MEX3A: variants seen among roughly 807,000 people sequenced by gnomAD.
MEX3A encodes the protein RNA-binding protein MEX3A.
MEX3A carries 4 observed loss-of-function variants against 30.0 expected under a neutral mutation model. The ratio of observed to expected loss-of-function variants is 0.13; its 90% CI spans 0.07 to 0.30. MEX3A has a LOEUF of 0.30. MEX3A is among the 10% of genes least tolerant of loss of function. The pLI is 1.00. For synonymous variants in MEX3A, 335 were observed against 327.6 expected (o/e 1.02, Z -0.24); for missense variants, 555 against 736.7 (o/e 0.75, Z 2.86).
chr1:156,076,902 G>A lies in MEX3A; in HGVS notation c.1235C>T (p.Ser412Phe). Reference sequence around the variant, plus strand: ...AGCGCGGGCCTTGGCGGAAGAGGAGGAGGAGGAGGAGGCAGAGGAGAAGAG... The same window carrying A: ...AGCGCGGGCCTTGGCGGAAGAGGAGAAGGAGGAGGAGGCAGAGGAGAAGAG... ...SVLFSSASSSSSSSAKARAGP... is the reference protein window; with the variant it reads ...SVLFSSASSSFSSSAKARAGP... The change falls in exon 2 of 2, where the codon TCC becomes TTC. Residue 412 changes from serine to phenylalanine, a missense_variant. This residue lies in a region of MEX3A where 281 missense variants were observed against 265.1 expected (regional missense o/e 1.06). Coordinates refer to ENST00000532414, the MANE Select transcript of MEX3A (RefSeq NM_001093725.2). This position sits in a 1 kb window ranked among gnomAD's most constrained non-coding sequence, Gnocchi z 6.0. The A allele has an allele frequency of 1.3e-6, 2 of 1,565,940 alleles. No homozygotes were observed. Among genetic ancestry groups the A allele is most frequent in the Admixed American group, 3.8e-5 (2 of 52,676 alleles).
chr1:156,081,244 C>A (rs1433257125), intron 1 of MEX3A, among the ~76,000 whole-genome samples: 2 of 152,202 alleles, frequency 1.3e-5, no homozygotes, highest in Non-Finnish European at 2.9e-5. Context: ...GGAGTGGACA[C>A]CCCCTCAGGA....
Position 156,081,850 on chromosome 1 carries a change from A to C in MEX3A, c.149T>G (p.Leu50Trp). ...CGCCGTGGGGGCGGGGGGCTCCCCC[A>C]AACCCAGGAGGCAGAGTTGATCGAG... ...LALDQLCLLG[L>W]GEPPAPTAGE... The change falls in exon 1 of 2, where the codon TTG becomes TGG. Residue 50 changes from leucine (L) to tryptophan (W), a missense_variant. Transcript: ENST00000532414. 2 of 1,360,364 alleles carry C rather than the reference A, an allele frequency of 1.5e-6. No homozygotes were observed. The highest frequency in any genetic ancestry group is 1.9e-6 in the Non-Finnish European group (2 of 1,038,612). The allele number at this position is 1,360,364 out of a possible 1,614,324, so 84.3% of individuals were successfully genotyped here. A position where few individuals can be genotyped will look rare whatever the true frequency, so the allele number is the denominator to read the frequency against.
At position 156,077,781 on chromosome 1, in the gene MEX3A, C is replaced by G. The variant is rs1648115248; in HGVS notation, c.455-99G>C. 5.2e-5 allele frequency: 75 copies of G among 1,442,158 alleles called. No homozygotes were observed. The highest frequency in any genetic ancestry group is 6.6e-5 in the Non-Finnish European group (72 of 1,098,894). 89.3% of individuals were successfully genotyped at this position (1,442,158 alleles called of 1,614,324 possible). ...TGATCCTTACCCAAATACCTAGCCTCCCAGGAACACTTCAGTCTACCCTTT... is the reference window on the plus strand; with the variant it reads ...TGATCCTTACCCAAATACCTAGCCTGCCAGGAACACTTCAGTCTACCCTTT... On this transcript the variant is annotated intron_variant, in intron 1 of 1. Coordinates refer to ENST00000532414, the MANE Select transcript of MEX3A (RefSeq NM_001093725.2). This position sits in a 1 kb window ranked among gnomAD's most constrained non-coding sequence, Gnocchi z 8.3.
intron 1 of MEX3A, among the ~76,000 whole-genome samples, chr1:156,078,068 T>G (rs1203469684): frequency 2.6e-5 from 4 of 152,208 alleles, no homozygotes; most frequent in Admixed American, 6.5e-5. Context: ...ATTTCTCTAC[T>G]GATTCCTGGC....
At chr1:156,079,221 T>TG (rs149824041) in intron 1 of MEX3A, among the ~76,000 whole-genome samples, 2,788 of 138,190 alleles carry the variant, frequency 0.02, 49 homozygotes, top group Non-Finnish European at 0.029. Context: ...TTTTTTTGTT[T>TG]GTTTTTTTTT....
intron 1 of MEX3A, among the ~76,000 whole-genome samples, chr1:156,080,858 G>A (rs1409719699): frequency 6.6e-6 from 1 of 151,748 alleles, no homozygotes; most frequent in Non-Finnish European, 1.5e-5. Flanking sequence ...GGCCAGCCCA[G>A]AACAAAAGCC....
chr1:156,081,414 G>C, intron 1 of MEX3A, 131 bp downstream of exon 1: 2 of 754,276 alleles, frequency 2.7e-6, no homozygotes, highest in Non-Finnish European at 2.2e-6. Flanking sequence ...ATCAGGGTAG[G>C]GGGCGGGTCC....
At position 156,072,354 on chromosome 1, in the gene MEX3A, T is replaced by C. The variant is rs1647932634; in HGVS notation, c.*4220A>G. On this transcript the variant is annotated 3_prime_UTR_variant, in exon 2 of 2. Coordinates refer to ENST00000532414, the MANE Select transcript of MEX3A (RefSeq NM_001093725.2). ...GGGAAGCCCTCCCCACCCCAGACGC[T>C]ACCATCCCAAACTAGCGGGGTTTCT... 1 of 149,888 alleles carries C rather than the reference T, an allele frequency of 6.7e-6. No homozygotes were observed. Among genetic ancestry groups the C allele is most frequent in the African/African-American group, 2.4e-5 (1 of 40,878 alleles). The allele number at this position is 149,888 out of a possible 1,614,324, so 9.3% of individuals were successfully genotyped here. A position where few individuals can be genotyped will look rare whatever the true frequency, so the allele number is the denominator to read the frequency against.
Position 156,076,954 on chromosome 1 carries a change from G to C in MEX3A, c.1183C>G (p.Gln395Glu). ...ACGGAGGTGGGCGTGGCGTTCTCCT[G>C]GCCCGCCCACAGCGGGGGGCTAGTC... ...AETSPPLWAG[Q>E]ENATPTSVLF... Residue 395 changes from glutamine (Q) to glutamate (E), a missense_variant, in exon 2 of 2, where the codon CAG (glutamine) becomes GAG (glutamate). Around this residue, in one of 6 missense-constraint regions of MEX3A, gnomAD observed 281 missense variants for 265.1 expected, o/e 1.06. Coordinates refer to ENST00000532414, the MANE Select transcript of MEX3A (RefSeq NM_001093725.2). The surrounding 1 kb of genome is among the most constrained non-coding windows in gnomAD (Gnocchi z 6.0). 1 of 1,609,870 alleles carries C rather than the reference G, an allele frequency of 6.2e-7. No homozygotes were observed. Among genetic ancestry groups the C allele is most frequent in the Non-Finnish European group, 8.5e-7 (1 of 1,178,224 alleles).
rs1190085772 is a variant in MEX3A, at chr1:156,074,860, G to A, written c.*1714C>T. 1.3e-5 allele frequency: 2 copies of A among 152,762 alleles called. No homozygotes were observed. Among genetic ancestry groups the A allele is most frequent in the African/African-American group, 2.4e-5 (1 of 41,438 alleles). 9.5% of individuals were successfully genotyped at this position (152,762 alleles called of 1,614,324 possible). ...GTGGAGAGGTGTTAATTCTCGACAG[G>A]AGGAAGGAGAGGAGGAAATCCCCTC... On this transcript the variant is annotated 3_prime_UTR_variant, in exon 2 of 2. Coordinates refer to ENST00000532414, the MANE Select transcript of MEX3A (RefSeq NM_001093725.2).
At chr1:156,080,995 C>T (rs1648209302) in intron 1 of MEX3A, among the ~76,000 whole-genome samples, 1 of 152,192 alleles carries the variant, frequency 6.6e-6, no homozygotes. Context: ...TCAGCAGCCC[C>T]CCTCACCGCC....
chr1:156,077,623 C>G lies in MEX3A; in HGVS notation c.514G>C (p.Gly172Arg). The G allele has an allele frequency of 3.1e-6, 5 of 1,608,186 alleles. No individual in the cohort carries two copies. The highest frequency in any genetic ancestry group is 4.2e-6 in the Non-Finnish European group (5 of 1,179,470). The change falls in exon 2 of 2, where the codon GGC becomes CGC. Residue 172 changes from glycine to arginine, a missense_variant. Physicochemically the swap from Gly to Arg is moderately radical, Grantham distance 125. Coordinates refer to ENST00000532414, the MANE Select transcript of MEX3A (RefSeq NM_001093725.2). The surrounding 1 kb of genome is among the most constrained non-coding windows in gnomAD (Gnocchi z 8.3). ...TNTYIKTPVRGEEPVFMVTGR... is the reference protein window; with the variant it reads ...TNTYIKTPVRREEPVFMVTGR... Reference sequence around the variant, plus strand: ...GTCACCATGAACACTGGTTCCTCGCCCCTCACCGGTGTCTTGATGTAGGTG... The same window carrying G: ...GTCACCATGAACACTGGTTCCTCGCGCCTCACCGGTGTCTTGATGTAGGTG...
Position 156,077,784 on chromosome 1 carries a change from AG to A in MEX3A, c.455-103del. ...TCCTTACCCAAATACCTAGCCTCCC[AG>A]GAACACTTCAGTCTACCCTTTGAAA... On this transcript the variant is annotated intron_variant, in intron 1 of 1. Coordinates refer to ENST00000532414, the MANE Select transcript of MEX3A (RefSeq NM_001093725.2). The surrounding 1 kb of genome is among the most constrained non-coding windows in gnomAD (Gnocchi z 8.3). 1 of 1,441,718 alleles carries A rather than the reference AG, an allele frequency of 6.9e-7. No individual in the cohort carries two copies. Among genetic ancestry groups the A allele is most frequent in the Non-Finnish European group, 9.1e-7 (1 of 1,098,692 alleles). 89.3% of individuals were successfully genotyped at this position (1,441,718 alleles called of 1,614,324 possible).
rs1648253043 is a variant in MEX3A at position 156,081,764 on chromosome 1, G to C, written c.235C>G (p.Pro79Ala). 2 of 810,516 alleles carry C rather than the reference G, an allele frequency of 2.5e-6. No homozygotes were observed. Among genetic ancestry groups the C allele is most frequent in the Non-Finnish European group, 3.0e-6 (2 of 671,096 alleles). 50.2% of individuals were successfully genotyped at this position (810,516 alleles called of 1,614,324 possible). The change falls in exon 1 of 2, where the codon CCG becomes GCG. Residue 79 changes from proline (P) to alanine (A), a missense_variant. Around this residue, in one of 6 missense-constraint regions of MEX3A, gnomAD observed 159 missense variants for 159.9 expected, o/e 0.99. Coordinates refer to ENST00000532414, the MANE Select transcript of MEX3A (RefSeq NM_001093725.2). ...GCCGCGGGCGGCGGCGGCGGGGCCG[G>C]CTGCGGGGGGGCGGCCGGCTGCGCG... The part of the protein sequence containing the change: ...APAQPAAPPQ[P>A]APPPPPAAPP...
chr1:156,077,417 G>A lies in MEX3A; in HGVS notation c.720C>T (p.Gly240=). The A allele has an allele frequency of 6.2e-7, 1 of 1,613,610 alleles. No individual in the cohort carries two copies. The highest frequency in any genetic ancestry group is 1.1e-5 in the South Asian group (1 of 91,068). The change falls in exon 2 of 2, where the codon GGC becomes GGT. Residue 240 remains glycine, a synonymous_variant. Transcript: ENST00000532414. The surrounding 1 kb of genome is among the most constrained non-coding windows in gnomAD (Gnocchi z 8.3). ...TGCGCTTGATGGTTGCCCCTTTGGG[G>A]CCCACCACCAGCCCCACCACGCGGT... The part of the protein sequence containing the change: ...VPYRVVGLVV[G]PKGATIKRIQ...
At position 156,074,866 on chromosome 1, in the gene MEX3A, G is replaced by A. The variant is rs1230941341; in HGVS notation, c.*1708C>T. 1 of 152,864 alleles carries A rather than the reference G, an allele frequency of 6.5e-6. No individual in the cohort carries two copies. Among genetic ancestry groups the A allele is most frequent in the Non-Finnish European group, 1.5e-5 (1 of 68,024 alleles). The allele number at this position is 152,864 out of a possible 1,614,324, so 9.5% of individuals were successfully genotyped here. ...AGGTGTTAATTCTCGACAGGAGGAA[G>A]GAGAGGAGGAAATCCCCTCTGCACC... On this transcript the variant is annotated 3_prime_UTR_variant, in exon 2 of 2. Transcript: ENST00000532414.
rs756619256 is a variant in MEX3A, at chr1:156,076,891, C to T, written c.1246G>A (p.Ala416Thr). The stretch of plus-strand genomic sequence containing the variant: ...CCCGGGGGCCCAGCGCGGGCCTTGG[C>T]GGAAGAGGAGGAGGAGGAGGAGGCA... ...SSASSSSSSSAKARAGPPGAH... is the reference protein window; with the variant it reads ...SSASSSSSSSTKARAGPPGAH... Residue 416 changes from alanine to threonine, a missense_variant, in exon 2 of 2, where the codon GCC becomes ACC. Physicochemically the swap from Ala to Thr is moderately conservative, Grantham distance 58 (BLOSUM62 0). Around this residue, in one of 6 missense-constraint regions of MEX3A, gnomAD observed 281 missense variants for 265.1 expected, o/e 1.06. Coordinates refer to ENST00000532414, the MANE Select transcript of MEX3A (RefSeq NM_001093725.2). The surrounding 1 kb of genome is among the most constrained non-coding windows in gnomAD (Gnocchi z 6.0). The T allele has an allele frequency of 8.4e-5, 131 of 1,550,578 alleles. No homozygotes were observed. Among genetic ancestry groups the T allele is most frequent in the Middle Eastern group, 1.7e-4 (1 of 5,812 alleles).
chr1:156,076,566 C>A lies in MEX3A; in HGVS notation c.*8G>T. On this transcript the variant is annotated 3_prime_UTR_variant, in exon 2 of 2. Transcript: ENST00000532414. This position sits in a 1 kb window ranked among gnomAD's most constrained non-coding sequence, Gnocchi z 6.0. ...TGGAGTGGGCCCCGGAGGCATGGGGCACGGGGCTTAGGAGAATATTCGGAT... is the reference window on the plus strand; with the variant it reads ...TGGAGTGGGCCCCGGAGGCATGGGGAACGGGGCTTAGGAGAATATTCGGAT... The A allele has an allele frequency of 6.2e-7, 1 of 1,602,648 alleles. No individual in the cohort carries two copies.
rs1647965965 is a variant in MEX3A, at chr1:156,073,202, G to C, written c.*3372C>G. On this transcript the variant is annotated 3_prime_UTR_variant, in exon 2 of 2. Coordinates refer to ENST00000532414, the MANE Select transcript of MEX3A (RefSeq NM_001093725.2). ...GGGAGGGTTTGAGCTGGGAGCCCCA[G>C]GAGGGGACATACCACATTGGAGTAT... is the stretch of plus-strand genomic sequence containing the variant. 6.5e-6 allele frequency: 1 copy of C among 152,814 alleles called. No individual in the cohort carries two copies. 9.5% of individuals were successfully genotyped at this position (152,814 alleles called of 1,614,324 possible). A position where few individuals can be genotyped will look rare whatever the true frequency, so the allele number is the denominator to read the frequency against.
Sources: gnomAD v4.1 joint callset for allele counts (sites outside exome capture counted in the v4.1 genomes callset) on GRCh38, gnomAD v4.1.1 for gene constraint, gnomAD v4.1.1 regional missense constraint, Gnocchi (gnomAD v3.1) non-coding constraint, MANE v1.5 for transcripts, NCBI Gene and HGNC (gene_info 2026-07-23, HGNC 2026-07-21) for gene names.